The following TRAPPC8 variants were observed in gnomAD, a reference collection of about 807,000 sequenced individuals.
The protein encoded by TRAPPC8 is general sporulation gene 1 homolog.
In TRAPPC8, 54 loss-of-function variants were observed where a neutral mutation model predicts 174.3. The observed-to-expected ratio is 0.31, with a 90% CI of 0.25 to 0.39. The LOEUF is 0.39. Ranked by LOEUF, TRAPPC8 falls within the 10% of genes least tolerant of loss-of-function variation. The pLI is 1.00. For synonymous variants in TRAPPC8, 630 were observed against 579.9 expected (o/e 1.09, Z -1.24); for missense variants, 1,531 against 1,699.1 (o/e 0.90, Z 1.74).
intron 19 of TRAPPC8, among the ~76,000 whole-genome samples, chr18:31,858,439 C>CA (rs1232984083): frequency 6.6e-6 from 1 of 152,138 alleles, no homozygotes; most frequent in Non-Finnish European, 1.5e-5. Context: ...AAAGAATGGG[C>CA]AGATCTATGA....
chr18:31,864,879 C>A, intron 18 of TRAPPC8, 98 bp from the exon 19 acceptor site: 1 of 1,134,310 alleles, frequency 8.8e-7, no homozygotes, highest in South Asian at 1.8e-5. Context: ...CAGATTATTT[C>A]TAGAAAAATT....
intron 1 of TRAPPC8, among the ~76,000 whole-genome samples, chr18:31,934,289 G>A (rs1054272604): frequency 2.0e-5 from 3 of 151,990 alleles, no homozygotes; most frequent in Non-Finnish European, 2.9e-5. Flanking sequence ...AACCTGGGAA[G>A]TCTGTCCTAT....
At chr18:31,863,630 C>G (rs973910717) in intron 19 of TRAPPC8, among the ~76,000 whole-genome samples, 3 of 152,130 alleles carry the variant, frequency 2.0e-5, no homozygotes, top group Non-Finnish European at 4.4e-5. Context: ...AATGCAAGGT[C>G]TGAAAAGATA....
intron 18 of TRAPPC8, 40 bp from the exon 19 acceptor site, chr18:31,864,821 A>G: frequency 6.5e-7 from 1 of 1,536,712 alleles, no homozygotes; most frequent in Non-Finnish European, 8.8e-7. Flanking sequence ...ATAATTTGGT[A>G]TGTTAACTGA....
At chr18:31,834,256 G>A (rs534322888) in intron 27 of TRAPPC8, among the ~76,000 whole-genome samples, 307 of 151,836 alleles carry the variant, frequency 2.0e-3, no homozygotes, top group Non-Finnish European at 3.5e-3. Flanking sequence ...ACAAGCGCTC[G>A]CCACCACACC....
intron 27 of TRAPPC8, among the ~76,000 whole-genome samples, chr18:31,835,233 T>G (rs2032640952): frequency 6.6e-6 from 1 of 152,172 alleles, no homozygotes; most frequent in Non-Finnish European, 1.5e-5. Context: ...AACATCTGCT[T>G]TACCTCCCAT....
At chr18:31,853,980 TAGA>T in intron 21 of TRAPPC8, 35 bp from the exon 22 acceptor site, 1 of 1,501,342 alleles carries the variant, frequency 6.7e-7, no homozygotes, top group Non-Finnish European at 9.1e-7. Flanking sequence ...ATTCAGGATT[TAGA>T]AGCACTAAAT....
At chr18:31,854,098 C>T (rs1479204372) in intron 21 of TRAPPC8, among the ~76,000 whole-genome samples, 153 bp from the exon 22 acceptor site, 2 of 152,070 alleles carry the variant, frequency 1.3e-5, no homozygotes, top group Non-Finnish European at 2.9e-5. Flanking sequence ...TATTTAAATC[C>T]CTTTCTAAAC....
intron 12 of TRAPPC8, among the ~76,000 whole-genome samples, chr18:31,875,306 C>T (rs1568074752): frequency 6.7e-6 from 1 of 149,378 alleles, no homozygotes; most frequent in East Asian, 1.9e-4. Flanking sequence ...TTCCACAGTA[C>T]AAATAATATA....
chr18:31,881,620 G>A (rs2035457532), intron 12 of TRAPPC8, among the ~76,000 whole-genome samples: 1 of 151,990 alleles, frequency 6.6e-6, no homozygotes, highest in Admixed American at 6.6e-5. Context: ...CAAAAGCAAT[G>A]CCAACAAAAA....
intron 16 of TRAPPC8, among the ~76,000 whole-genome samples, chr18:31,868,067 G>A (rs770402097): frequency 1.2e-4 from 18 of 152,104 alleles, no homozygotes; most frequent in Non-Finnish European, 2.6e-4. Flanking sequence ...GATAATGGTG[G>A]GCTAAGCATG....
At position 31,900,957 on chromosome 18, in the gene TRAPPC8, A is replaced by G; in HGVS notation, c.1458T>C (p.Asp486=). 1 of 1,596,886 alleles carries G rather than the reference A, an allele frequency of 6.3e-7. No individual in the cohort carries two copies. Among genetic ancestry groups the G allele is most frequent in the Non-Finnish European group, 8.5e-7 (1 of 1,175,384 alleles). The change falls in exon 10 of 29, where the codon GAT becomes GAC. Residue 486 remains aspartate, a synonymous_variant. Transcript: ENST00000283351. ...TATCTCTGTATGTCTGAATTGCTGT[A>G]TCCATGTAATGAGCAGGATATGGCC... ...APRPYPAHYM[D]TAIQTYRDIC... is the part of the protein sequence containing the mutation.
intron 21 of TRAPPC8, among the ~76,000 whole-genome samples, chr18:31,855,403 AGAAT>A (rs2033946746): frequency 6.6e-6 from 1 of 152,214 alleles, no homozygotes; most frequent in Non-Finnish European, 1.5e-5. Context: ...GAGATCTTTT[AGAAT>A]GAATTAATGG....
Position 31,852,594 on chromosome 18 carries a change from CCTT to C in TRAPPC8, c.3500_3502del (p.Glu1167del). The C allele has an allele frequency of 6.2e-7, 1 of 1,613,990 alleles. No individual in the cohort carries two copies. Among genetic ancestry groups the C allele is most frequent in the Non-Finnish European group, 8.5e-7 (1 of 1,179,954 alleles). ...AAAGTGTAAAAGTAAAGTGAATTTA[CCTT>C]CTTCTTTCTCACATCTTATTGCCTT... On this transcript the variant is annotated inframe_deletion and splice_region_variant, in exon 23 of 29. Transcript: ENST00000283351.
At chr18:31,836,565 G>C (rs2032734208) in intron 27 of TRAPPC8, among the ~76,000 whole-genome samples, 1 of 152,154 alleles carries the variant, frequency 6.6e-6, no homozygotes, top group Non-Finnish European at 1.5e-5. Flanking sequence ...GGGTTAAAAT[G>C]AATCACAGAA....
chr18:31,858,826 T>C (rs1014868227), intron 19 of TRAPPC8, among the ~76,000 whole-genome samples: 4 of 152,248 alleles, frequency 2.6e-5, no homozygotes, highest in Admixed American at 6.5e-5. Context: ...CAGTGGCTGA[T>C]GCCTGTAATC....
At chr18:31,850,763 A>C (rs186149804) in intron 24 of TRAPPC8, among the ~76,000 whole-genome samples, 1 of 152,310 alleles carries the variant, frequency 6.6e-6, no homozygotes, top group Non-Finnish European at 1.5e-5. Context: ...AGTTCTATTT[A>C]TTCAACCAGG....
chr18:31,931,283 A>G, intron 2 of TRAPPC8, 46 bp downstream of exon 2: 1 of 1,467,466 alleles, frequency 6.8e-7, no homozygotes, highest in East Asian at 2.4e-5. Flanking sequence ...TTTTTCTAAC[A>G]AAACGAAATT....
rs148221292 is a variant in TRAPPC8, at chr18:31,931,539, G to GA, written c.158-17dup. 3.3e-6 allele frequency: 5 copies of GA among 1,522,832 alleles called. No homozygotes were observed. Among genetic ancestry groups the GA allele is most frequent in the South Asian group, 1.3e-5 (1 of 74,964 alleles). The allele number at this position is 1,522,832 out of a possible 1,614,324, so 94.3% of individuals were successfully genotyped here. A position where few individuals can be genotyped will look rare whatever the true frequency, so the allele number is the denominator to read the frequency against. On this transcript the variant is annotated splice_polypyrimidine_tract_variant and intron_variant, in intron 1 of 28. Transcript: ENST00000283351. ...CTCATGTGAACTTTAAAGAAAAAAA[G>GA]AAAAAAACTTGAAATTAATTCTATA...
Sources: gnomAD v4.1 joint callset for allele counts (sites outside exome capture counted in the v4.1 genomes callset) on GRCh38, gnomAD v4.1.1 for gene constraint, MANE v1.5 for transcripts, NCBI Gene and HGNC (gene_info 2026-07-23, HGNC 2026-07-21) for gene names.